The following EDAR variants were observed in gnomAD, a reference collection of about 807,000 sequenced individuals.
EDAR encodes ectodysplasin A receptor.
In EDAR, 38 loss-of-function variants were observed where a neutral mutation model predicts 51.3. That is an observed-to-expected ratio of 0.74 (90% CI 0.57 to 0.97). EDAR has a LOEUF of 0.97. Among genes scored for constraint, EDAR ranks in the 50% least tolerant of loss-of-function variants. The pLI is 0.00. For synonymous variants in EDAR, 227 were observed against 242.1 expected, an observed-to-expected ratio of 0.94 and a Z score of 0.58; for missense variants, 528 against 595.0, an observed-to-expected ratio of 0.89 and a Z score of 1.17.
intron 5 of EDAR, among the ~76,000 whole-genome samples, chr2:108,917,539 A>G (rs1219367963): frequency 6.6e-6 from 1 of 152,206 alleles, no homozygotes; most frequent in East Asian, 1.9e-4. Context: ...ATGTGCAATT[A>G]TTATGTATCA....
chr2:108,983,305 C>T (rs960818900), intron 1 of EDAR, among the ~76,000 whole-genome samples: 8 of 152,178 alleles, frequency 5.3e-5, no homozygotes, highest in African/African-American at 1.9e-4. Flanking sequence ...CTTGAGACTC[C>T]TCTAAAGTAC....
intron 4 of EDAR, among the ~76,000 whole-genome samples, chr2:108,926,185 C>T (rs996256315): frequency 1.3e-5 from 2 of 152,170 alleles, no homozygotes; most frequent in African/African-American, 2.4e-5. Context: ...GTCACCAACC[C>T]GAAATCAGGT....
intron 1 of EDAR, among the ~76,000 whole-genome samples, chr2:108,974,884 T>A (rs1698296238): frequency 6.6e-6 from 1 of 152,176 alleles, no homozygotes; most frequent in Non-Finnish European, 1.5e-5. Context: ...CCCACAACAC[T>A]TGCAGTCTGC....
At chr2:108,971,616 A>G (rs1698234898) in intron 1 of EDAR, among the ~76,000 whole-genome samples, 1 of 152,214 alleles carries the variant, frequency 6.6e-6, no homozygotes, top group Admixed American at 6.5e-5. Context: ...GAGGAAGGGT[A>G]TTAGAGATAG....
chr2:108,965,313 TA>T (rs1698127451), intron 1 of EDAR, among the ~76,000 whole-genome samples: 2 of 151,918 alleles, frequency 1.3e-5, no homozygotes, highest in Non-Finnish European at 2.9e-5. Flanking sequence ...CCATCTCTAC[TA>T]AAAATACAAA....
intron 11 of EDAR, among the ~76,000 whole-genome samples, chr2:108,899,728 A>G (rs115369652): frequency 0.041 from 6,272 of 152,250 alleles, 438 homozygotes; most frequent in African/African-American, 0.14. Flanking sequence ...GCTCACACCT[A>G]TAATCCAAGC....
chr2:108,908,057 GGGGGGCTGCAGCCCTGACAA>G (rs1558800245), intron 9 of EDAR, 38 bp from the exon 10 acceptor site: 1 of 1,575,392 alleles, frequency 6.3e-7, no homozygotes, highest in African/African-American at 1.3e-5. Context: ...GCAGTGCCTG[GGGGGGCTGCAGCCCTGACAA>G]GTTCTCCTGT....
rs28691031 is a variant in EDAR, at chr2:108,929,094, G to A, written c.356+104C>T. The A allele has an allele frequency of 7.2e-4, 953 of 1,332,382 alleles. 5 individuals carry two copies. In the African/African-American group the frequency reaches 0.013, roughly 18 times the overall value. 82.5% of individuals were successfully genotyped at this position (1,332,382 alleles called of 1,614,324 possible). Reference sequence around the variant, plus strand: ...AAGGCCAGGTGTGCGGCTGCACCGAGGCCTGCAGTATCCATGACCCCTGTT... The same window carrying A: ...AAGGCCAGGTGTGCGGCTGCACCGAAGCCTGCAGTATCCATGACCCCTGTT... On this transcript the variant is annotated intron_variant, in intron 4 of 11. Transcript: ENST00000258443.
chr2:108,921,315 G>A lies in EDAR; in HGVS notation c.442+2053C>T, dbSNP rs75468890. ...CTGCAGCTGCGACCCATTGTCTGCT[G>A]TAGCTCTCCTAGGTGGGTGTCATCC... On this transcript the variant is annotated intron_variant, in intron 5 of 11. Transcript: ENST00000258443. Among the ~76,000 whole-genome samples the A allele has an allele frequency of 6.9e-3, 1,054 of 152,308 alleles. 14 individuals carry two copies. Among genetic ancestry groups the A allele is most frequent in the African/African-American group, 0.024 (1,012 of 41,566 alleles).
intron 5 of EDAR, among the ~76,000 whole-genome samples, chr2:108,916,829 G>A (rs1012205412): frequency 2.6e-5 from 4 of 152,170 alleles, no homozygotes; most frequent in Admixed American, 6.5e-5. Flanking sequence ...GCCCCCTCAC[G>A]TTCCAAAGTT....
intron 1 of EDAR, among the ~76,000 whole-genome samples, chr2:108,937,824 G>A (rs977121365): frequency 6.6e-6 from 1 of 152,136 alleles, no homozygotes; most frequent in African/African-American, 2.4e-5. Context: ...GTGGACCTGC[G>A]GGGAGAGGCA....
chr2:108,926,803 G>C (rs935711676), intron 4 of EDAR, among the ~76,000 whole-genome samples: 1 of 152,234 alleles, frequency 6.6e-6, no homozygotes, highest in Admixed American at 6.5e-5. Flanking sequence ...GCCCAGGAGA[G>C]ACTGGGACAA....
At chr2:108,913,949 CAA>C (rs71383816) in intron 5 of EDAR, among the ~76,000 whole-genome samples, 101 of 109,130 alleles carry the variant, frequency 9.3e-4, no homozygotes, top group African/African-American at 3.5e-3. Flanking sequence ...GATTCCGTCT[CAA>C]AAAAAAAAAA....
intron 11 of EDAR, among the ~76,000 whole-genome samples, chr2:108,899,815 G>A (rs1045903305): frequency 5.9e-5 from 9 of 151,992 alleles, no homozygotes; most frequent in Non-Finnish European, 8.8e-5. Context: ...GTGAAACCCC[G>A]TCTCTACTAA....
intron 1 of EDAR, among the ~76,000 whole-genome samples, chr2:108,962,684 A>G (rs1339111929): frequency 6.7e-6 from 1 of 148,522 alleles, no homozygotes; most frequent in Non-Finnish European, 1.5e-5. Context: ...CAAAAAAAAA[A>G]AAAAAAAAAA....
intron 1 of EDAR, among the ~76,000 whole-genome samples, chr2:108,934,125 C>T (rs893867014): frequency 6.6e-6 from 1 of 152,134 alleles, no homozygotes; most frequent in Non-Finnish European, 1.5e-5. Context: ...TTAAAACGTT[C>T]CCAGGTAAAC....
chr2:108,933,153 C>A (rs1293356080), intron 1 of EDAR, among the ~76,000 whole-genome samples: 1 of 152,190 alleles, frequency 6.6e-6, no homozygotes. Flanking sequence ...GAGAAGAATG[C>A]CTCCGGGTGT....
intron 1 of EDAR, among the ~76,000 whole-genome samples, chr2:108,949,061 T>G (rs534788683): frequency 8.5e-5 from 13 of 152,320 alleles, no homozygotes; most frequent in Non-Finnish European, 1.8e-4. Flanking sequence ...CACTGCAGTC[T>G]CGACCTCCAG....
At chr2:108,926,379 A>G (rs1198273002) in intron 4 of EDAR, among the ~76,000 whole-genome samples, 1 of 152,020 alleles carries the variant, frequency 6.6e-6, no homozygotes, top group African/African-American at 2.4e-5. Flanking sequence ...GTCCCCTGGG[A>G]TCTGTTGTTT....
Sources: allele counts gnomAD v4.1 joint callset (sites outside exome capture counted in the v4.1 genomes callset), GRCh38; gene constraint gnomAD v4.1.1; transcripts MANE v1.5; gene names NCBI Gene and HGNC (gene_info 2026-07-23, HGNC 2026-07-21).